TLR4: variants seen among roughly 807,000 people sequenced by gnomAD.
TLR4 encodes the protein toll like receptor 4.
TLR4 carries 17 observed loss-of-function variants against 27.4 expected under a neutral mutation model. The observed-to-expected ratio is 0.62, with a 90% confidence interval of 0.42 to 0.93. The LOEUF (loss-of-function observed/expected upper bound fraction) is 0.93. Ranked by LOEUF, TLR4 falls within the 40% of genes least tolerant of loss-of-function variation. The pLI is 0.00. For synonymous variants in TLR4, 363 were observed against 365.7 expected, an observed-to-expected ratio of 0.99 and a Z score of 0.08; for missense variants, 926 against 962.3, an observed-to-expected ratio of 0.96 and a Z score of 0.50.
rs1165015317 is a variant in TLR4 at position 117,722,035 on chromosome 9, C to G, written c.*7387C>G. 6.6e-6 allele frequency: 1 copy of G among 152,100 alleles called. No homozygotes were observed. The highest frequency in any genetic ancestry group is 1.5e-5 in the Non-Finnish European group (1 of 68,026). 9.4% of individuals were successfully genotyped at this position (152,100 alleles called of 1,614,324 possible). A position where few individuals can be genotyped will look rare whatever the true frequency, so the allele number is the denominator to read the frequency against. On this transcript the variant is annotated 3_prime_UTR_variant, in exon 3 of 3. Coordinates refer to ENST00000355622, the MANE Select transcript of TLR4 (RefSeq NM_138554.5). ...TCTACCTATCACGTTGTCATTTTCC[C>G]TTCTTTATCATCCTGGGTAGCTGAG... is the stretch of plus-strand genomic sequence containing the variant.
chr9:117,712,272 C>T (rs1829244022), intron 2 of TLR4, 117 bp from the exon 3 acceptor site: 3 of 1,046,364 alleles, frequency 2.9e-6, no homozygotes, highest in South Asian at 1.4e-5. Flanking sequence ...TTTGCCTATG[C>T]ACAATCATAT....
At position 117,722,226 on chromosome 9, in the gene TLR4, CAAAAATGACTTTCCCCTCTG is replaced by C. The variant is rs1306584497; in HGVS notation, c.*7584_*7603del. 2.6e-5 allele frequency: 4 copies of C among 152,130 alleles called. No individual in the cohort carries two copies. The highest frequency in any genetic ancestry group is 2.9e-5 in the Non-Finnish European group (2 of 68,020). 9.4% of individuals were successfully genotyped at this position (152,130 alleles called of 1,614,324 possible). A position where few individuals can be genotyped will look rare whatever the true frequency, so the allele number is the denominator to read the frequency against. On this transcript the variant is annotated 3_prime_UTR_variant, in exon 3 of 3. Coordinates refer to ENST00000355622, the MANE Select transcript of TLR4 (RefSeq NM_138554.5). ...CATCTTGCCTTGAGTACTAAGATTC[CAAAAATGACTTTCCCCTCTG>C]AAAAACACAGGATTTCCTTGCGAAA...
In TLR4 at chr9:117,712,483, C is replaced by A; in HGVS notation, c.355C>A (p.Leu119Met). The change falls in exon 3 of 3, where the codon CTG (leucine) becomes ATG (methionine). Residue 119 changes from leucine (L) to methionine (M), a missense_variant. Physicochemically the swap from Leu to Met is conservative, Grantham distance 15 (BLOSUM62 2). Coordinates refer to ENST00000355622, the MANE Select transcript of TLR4 (RefSeq NM_138554.5). ...AGGAAACCCCATCCAGAGTTTAGCC[C>A]TGGGAGCCTTTTCTGGACTATCAAG... ...LTGNPIQSLALGAFSGLSSLQ... is the reference protein window; with the variant it reads ...LTGNPIQSLAMGAFSGLSSLQ... 1.2e-6 allele frequency: 2 copies of A among 1,613,868 alleles called. No homozygotes were observed. Among genetic ancestry groups the A allele is most frequent in the East Asian group, 2.2e-5 (1 of 44,854 alleles).
In TLR4 at chr9:117,713,979, C is replaced by G. The variant is rs774686963; in HGVS notation, c.1851C>G (p.Gly617=). 1.9e-6 allele frequency: 3 copies of G among 1,613,966 alleles called. No individual in the cohort carries two copies. In the South Asian group the frequency reaches 3.3e-5, roughly 18 times the overall value. Residue 617 remains glycine (G), a synonymous_variant, in exon 3 of 3, where the codon GGC becomes GGG. Transcript: ENST00000355622. ...MECATPSDKQ[G]MPVLSLNITC... ...GTGCAACACCTTCAGATAAGCAGGG[C>G]ATGCCTGTGCTGAGTTTGAATATCA...
rs1387196483 is a variant in TLR4 at position 117,712,872 on chromosome 9, A to G, written c.744A>G (p.Gln248=). The G allele has an allele frequency of 1.5e-5, 24 of 1,613,962 alleles. No homozygotes were observed. Among genetic ancestry groups the G allele is most frequent in the African/African-American group, 2.7e-5 (2 of 74,930 alleles). ...DSLNVMKTCI[Q]GLAGLEVHRL... is the part of the protein sequence containing the mutation. ...TAAATGTAATGAAAACTTGTATTCA[A>G]GGTCTGGCTGGTTTAGAAGTCCATC... The change falls in exon 3 of 3, where the codon CAA becomes CAG. Residue 248 remains glutamine, a synonymous_variant. Coordinates refer to ENST00000355622, the MANE Select transcript of TLR4 (RefSeq NM_138554.5).
At chr9:117,710,677 A>G (rs1345908811) in intron 2 of TLR4, among the ~76,000 whole-genome samples, 1 of 152,104 alleles carries the variant, frequency 6.6e-6, no homozygotes, top group African/African-American at 2.4e-5. Flanking sequence ...GTGTTCACAT[A>G]CAGTAACTCA....
intron 1 of TLR4, among the ~76,000 whole-genome samples, 177 bp downstream of exon 1, chr9:117,704,742 G>A (rs928549793): frequency 1.3e-5 from 2 of 152,064 alleles, no homozygotes; most frequent in Non-Finnish European, 2.9e-5. Flanking sequence ...GGCAGCCATT[G>A]GGGGTTTGTT....
chr9:117,714,729 GC>G lies in TLR4; in HGVS notation c.*83del. ...GTTCAGTTAATAAGTATTAAATGCT[GC>G]CACATGTCAGGCCTTATGCTAAGGG... is the stretch of plus-strand genomic sequence containing the variant. On this transcript the variant is annotated 3_prime_UTR_variant, in exon 3 of 3. Transcript: ENST00000355622. 8.1e-7 allele frequency: 1 copy of G among 1,237,690 alleles called. No homozygotes were observed. Among genetic ancestry groups the G allele is most frequent in the Non-Finnish European group, 1.2e-6 (1 of 855,268 alleles). 76.7% of individuals were successfully genotyped at this position (1,237,690 alleles called of 1,614,324 possible).
At chr9:117,710,390 A>G (rs1201607888) in intron 2 of TLR4, among the ~76,000 whole-genome samples, 1 of 151,180 alleles carries the variant, frequency 6.6e-6, no homozygotes, top group Non-Finnish European at 1.5e-5. Context: ...ATTATGTTCT[A>G]AATTTCAGTT....
intron 2 of TLR4, among the ~76,000 whole-genome samples, 170 bp from the exon 3 acceptor site, chr9:117,712,219 T>C (rs1829243081): frequency 6.6e-6 from 1 of 152,078 alleles, no homozygotes. Flanking sequence ...TCTGTGGGGC[T>C]TCTTATTTGC....
chr9:117,714,227 T>C lies in TLR4; in HGVS notation c.2099T>C (p.Val700Ala), dbSNP rs1194641407. 1 of 1,605,300 alleles carries C rather than the reference T, an allele frequency of 6.2e-7. No homozygotes were observed. Among genetic ancestry groups the C allele is most frequent in the African/African-American group, 1.3e-5 (1 of 74,620 alleles). Residue 700 changes from valine to alanine, a missense_variant, in exon 3 of 3, where the codon GTG (valine) becomes GCG (alanine). Transcript: ENST00000355622. ...NELVKNLEEG[V>A]PPFQLCLHYR... ...CTAGTAAAGAATTTAGAAGAAGGGGTGCCTCCATTTCAGCTCTGCCTTCAC... is the reference window on the plus strand; with the variant it reads ...CTAGTAAAGAATTTAGAAGAAGGGGCGCCTCCATTTCAGCTCTGCCTTCAC...
intron 1 of TLR4, chr9:117,708,127 A>C (rs1447668976): frequency 1.1e-6 from 1 of 944,810 alleles, no homozygotes; most frequent in Non-Finnish European, 1.3e-6. Context: ...TATTACCTAC[A>C]TTTTACATAT....
chr9:117,723,723 T>A lies in TLR4; in HGVS notation c.*9075T>A, dbSNP rs1829447661. The A allele has an allele frequency of 6.6e-6, 1 of 152,000 alleles. No homozygotes were observed. Among genetic ancestry groups the A allele is most frequent in the Non-Finnish European group, 1.5e-5 (1 of 67,990 alleles). The allele number at this position is 152,000 out of a possible 1,614,324, so 9.4% of individuals were successfully genotyped here. On this transcript the variant is annotated 3_prime_UTR_variant, in exon 3 of 3. Transcript: ENST00000355622. ...AAGCTATATGTCATTCTTACAGGAG[T>A]CTCCTCTATTTCAGCAATGTGTATA... is the stretch of plus-strand genomic sequence containing the variant.
At position 117,714,517 on chromosome 9, in the gene TLR4, T is replaced by G; in HGVS notation, c.2389T>G (p.Trp797Gly). 5 of 1,613,540 alleles carry G rather than the reference T, an allele frequency of 3.1e-6. No homozygotes were observed. Among genetic ancestry groups the G allele is most frequent in the Non-Finnish European group, 4.2e-6 (5 of 1,179,924 alleles). Residue 797 changes from tryptophan (W) to glycine (G), a missense_variant, in exon 3 of 3, where the codon TGG (tryptophan) becomes GGG (glycine). Coordinates refer to ENST00000355622, the MANE Select transcript of TLR4 (RefSeq NM_138554.5). ...RLLSRNTYLE[W>G]EDSVLGRHIF... ...TCTCAGCAGGAACACTTACCTGGAG[T>G]GGGAGGACAGTGTCCTGGGGCGGCA...
At position 117,714,612 on chromosome 9, in the gene TLR4, T is replaced by G; in HGVS notation, c.2484T>G (p.Gly828=). 1 of 1,613,410 alleles carries G rather than the reference T, an allele frequency of 6.2e-7. No homozygotes were observed. The highest frequency in any genetic ancestry group is 8.5e-7 in the Non-Finnish European group (1 of 1,179,974). The change falls in exon 3 of 3, where the codon GGT becomes GGG. Residue 828 remains glycine, a synonymous_variant. Coordinates refer to ENST00000355622, the MANE Select transcript of TLR4 (RefSeq NM_138554.5). ...GKSWNPEGTV[G]TGCNWQEATS... ...CATGGAATCCAGAAGGAACAGTGGG[T>G]ACAGGATGCAATTGGCAGGAAGCAA... is the stretch of plus-strand genomic sequence containing the variant.
rs780541974 is a variant in TLR4 at position 117,713,022 on chromosome 9, T to A, written c.894T>A (p.Asp298Glu). The A allele has an allele frequency of 6.2e-7, 1 of 1,613,428 alleles. No homozygotes were observed. Among genetic ancestry groups the A allele is most frequent in the African/African-American group, 1.3e-5 (1 of 74,924 alleles). ...FRLAYLDYYL[D>E]DIIDLFNCLT... ...TAGCATACTTAGACTACTACCTCGA[T>A]GATATTATTGACTTATTTAATTGTT... The change falls in exon 3 of 3, where the codon GAT (aspartate) becomes GAA (glutamate). Residue 298 changes from aspartate (D) to glutamate (E), a missense_variant. Asp to Glu is a conservative substitution (Grantham distance 45, BLOSUM62 2). Transcript: ENST00000355622.
At position 117,720,995 on chromosome 9, in the gene TLR4, CTATT is replaced by C. The variant is rs1348603573; in HGVS notation, c.*6350_*6353del. ...ATATAAAAATATAGAGTTAAAAAAA[CTATT>C]TAAAAAAAAGACAACTTCATGTCTC... On this transcript the variant is annotated 3_prime_UTR_variant, in exon 3 of 3. Coordinates refer to ENST00000355622, the MANE Select transcript of TLR4 (RefSeq NM_138554.5). The C allele has an allele frequency of 1.3e-5, 2 of 152,066 alleles. No individual in the cohort carries two copies. The highest frequency in any genetic ancestry group is 1.9e-4 in the East Asian group (1 of 5,196). The allele number at this position is 152,066 out of a possible 1,614,324, so 9.4% of individuals were successfully genotyped here. A position where few individuals can be genotyped will look rare whatever the true frequency, so the allele number is the denominator to read the frequency against.
At position 117,720,993 on chromosome 9, in the gene TLR4, A is replaced by G. The variant is rs1829416645; in HGVS notation, c.*6345A>G. The G allele has an allele frequency of 6.6e-6, 1 of 152,224 alleles. No homozygotes were observed. The highest frequency in any genetic ancestry group is 2.1e-4 in the South Asian group (1 of 4,832). 9.4% of individuals were successfully genotyped at this position (152,224 alleles called of 1,614,324 possible). A position where few individuals can be genotyped will look rare whatever the true frequency, so the allele number is the denominator to read the frequency against. ...CTATATAAAAATATAGAGTTAAAAAAACTATTTAAAAAAAAGACAACTTCA... is the reference window on the plus strand; with the variant it reads ...CTATATAAAAATATAGAGTTAAAAAGACTATTTAAAAAAAAGACAACTTCA... On this transcript the variant is annotated 3_prime_UTR_variant, in exon 3 of 3. Coordinates refer to ENST00000355622, the MANE Select transcript of TLR4 (RefSeq NM_138554.5).
chr9:117,716,208 A>G lies in TLR4; in HGVS notation c.*1560A>G, dbSNP rs1460777202. On this transcript the variant is annotated 3_prime_UTR_variant, in exon 3 of 3. Coordinates refer to ENST00000355622, the MANE Select transcript of TLR4 (RefSeq NM_138554.5). ...TGATCCAGCAATCTCACTTCTGTATATATACCCAAAATAATTGAAATCAGA... is the reference window on the plus strand; with the variant it reads ...TGATCCAGCAATCTCACTTCTGTATGTATACCCAAAATAATTGAAATCAGA... 6.6e-6 allele frequency: 1 copy of G among 152,210 alleles called. No homozygotes were observed. 9.4% of individuals were successfully genotyped at this position (152,210 alleles called of 1,614,324 possible). A position where few individuals can be genotyped will look rare whatever the true frequency, so the allele number is the denominator to read the frequency against.
Sources: gnomAD v4.1 joint callset for allele counts (sites outside exome capture counted in the v4.1 genomes callset) on GRCh38, gnomAD v4.1.1 for gene constraint, MANE v1.5 for transcripts, NCBI Gene and HGNC (gene_info 2026-07-23, HGNC 2026-07-21) for gene names.